The following ROBO1 variants were observed in gnomAD, a reference collection of about 807,000 sequenced individuals.
ROBO1 encodes the protein roundabout guidance receptor 1.
A neutral mutation model predicts 195.9 loss-of-function variants in ROBO1; 149 were observed. That is an observed-to-expected ratio of 0.76 (90% CI 0.67 to 0.87). ROBO1 has a LOEUF of 0.87. ROBO1 is among the 40% of genes least tolerant of loss of function. ROBO1 has a pLI of 0.00. For synonymous variants in ROBO1, 816 were observed against 733.2 expected (o/e 1.11, Z -1.82); for missense variants, 1,933 against 2,068.3 (o/e 0.93, Z 1.27).
chr3:78,681,885 C>A (rs1372633432), intron 10 of ROBO1, among the ~76,000 whole-genome samples: 2 of 151,950 alleles, frequency 1.3e-5, no homozygotes, highest in Non-Finnish European at 1.5e-5. Flanking sequence ...CTCGGCGACT[C>A]AGTCTCAAAA....
intron 2 of ROBO1, among the ~76,000 whole-genome samples, chr3:79,371,954 G>T (rs574789064): frequency 6.6e-6 from 1 of 152,230 alleles, no homozygotes; most frequent in Non-Finnish European, 1.5e-5. Flanking sequence ...TTCCACCTCA[G>T]ATCATCAGGC....
chr3:79,282,827 G>T (rs76384154), intron 2 of ROBO1, among the ~76,000 whole-genome samples: 2 of 152,074 alleles, frequency 1.3e-5, no homozygotes, highest in African/African-American at 4.8e-5. Flanking sequence ...ATTTAAAGCC[G>T]TAAAACCAGA....
At chr3:79,181,873 ATGT>A (rs981738219) in intron 2 of ROBO1, among the ~76,000 whole-genome samples, 1 of 149,382 alleles carries the variant, frequency 6.7e-6, no homozygotes, top group African/African-American at 2.5e-5. Context: ...CTGCACTGAG[ATGT>A]TGTCATGCCA....
At chr3:79,017,079 C>G (rs1184119622) in intron 3 of ROBO1, among the ~76,000 whole-genome samples, 1 of 152,142 alleles carries the variant, frequency 6.6e-6, no homozygotes, top group Non-Finnish European at 1.5e-5. Context: ...ATGAGATATA[C>G]CAGGTTGAAA....
chr3:78,643,666 A>G (rs1441406851), intron 21 of ROBO1, among the ~76,000 whole-genome samples: 1 of 152,130 alleles, frequency 6.6e-6, no homozygotes, highest in Non-Finnish European at 1.5e-5. Flanking sequence ...TTTGGATCTG[A>G]TATTCTAAAC....
chr3:79,263,248 T>C (rs928723186), intron 2 of ROBO1, among the ~76,000 whole-genome samples: 3 of 152,108 alleles, frequency 2.0e-5, no homozygotes, highest in Non-Finnish European at 4.4e-5. Context: ...CACTAACCTA[T>C]GTACTCATTT....
chr3:78,714,670 G>T, intron 7 of ROBO1, 146 bp from the exon 8 acceptor site: 2 of 626,138 alleles, frequency 3.2e-6, no homozygotes, highest in Non-Finnish European at 4.9e-6. Flanking sequence ...CTCTAAGTCA[G>T]CTGGCAGAAG....
rs1481026874 is a variant in ROBO1 at position 79,607,941 on chromosome 3, A to G, written c.-50-17980T>C. ...GAAATGGCTGTGTAACAAAAGTCTCACAGGATTCAAAACTAAACAGAATAT... is the reference window on the plus strand; with the variant it reads ...GAAATGGCTGTGTAACAAAAGTCTCGCAGGATTCAAAACTAAACAGAATAT... On this transcript the variant is annotated intron_variant, in intron 1 of 30. Transcript: ENST00000464233. Among the ~76,000 whole-genome samples the G allele has an allele frequency of 3.9e-5, 6 of 152,136 alleles. No homozygotes were observed. The East Asian group carries it at 1.2e-3, about 30-fold the overall frequency.
chr3:78,666,322 A>G (rs1283673061), intron 14 of ROBO1, among the ~76,000 whole-genome samples: 2 of 152,232 alleles, frequency 1.3e-5, no homozygotes, highest in Non-Finnish European at 2.9e-5. Context: ...AGGCAAATTG[A>G]CAGAAATGTT....
At chr3:79,640,452 G>A (rs1435099848) in intron 1 of ROBO1, among the ~76,000 whole-genome samples, 1 of 151,836 alleles carries the variant, frequency 6.6e-6, no homozygotes, top group Admixed American at 6.6e-5. Flanking sequence ...CCAGTGTCGG[G>A]TATGTCTTCA....
chr3:79,172,675 G>A (rs1369839105), intron 2 of ROBO1, among the ~76,000 whole-genome samples: 5 of 150,014 alleles, frequency 3.3e-5, no homozygotes, highest in Non-Finnish European at 5.9e-5. Context: ...TTTGGATCCT[G>A]AATTATCTTT....
chr3:79,189,069 C>A (rs1397853601), intron 2 of ROBO1, among the ~76,000 whole-genome samples: 1 of 151,728 alleles, frequency 6.6e-6, no homozygotes, highest in Non-Finnish European at 1.5e-5. Context: ...GAACTAAACA[C>A]ATACATTTCT....
intron 2 of ROBO1, among the ~76,000 whole-genome samples, chr3:79,148,924 G>C (rs1044993050): frequency 6.6e-6 from 1 of 151,878 alleles, no homozygotes. Flanking sequence ...CAAAATCTAA[G>C]ATGTGTTCAG....
chr3:79,572,447 C>G (rs1943310291), intron 2 of ROBO1, among the ~76,000 whole-genome samples: 2 of 151,676 alleles, frequency 1.3e-5, no homozygotes, highest in Non-Finnish European at 2.9e-5. Context: ...ATTGCCATGT[C>G]AAATTAATAA....
intron 2 of ROBO1, among the ~76,000 whole-genome samples, chr3:79,282,969 A>G (rs2031624723): frequency 6.6e-6 from 1 of 152,250 alleles, no homozygotes; most frequent in Non-Finnish European, 1.5e-5. Context: ...TATTATTTCT[A>G]AAGGGAAGTT....
intron 4 of ROBO1, among the ~76,000 whole-genome samples, chr3:78,780,955 T>C (rs1344364320): frequency 2.0e-5 from 3 of 152,164 alleles, no homozygotes; most frequent in Admixed American, 2.0e-4. Context: ...GCACTGTCTT[T>C]ATGTGGGAGT....
intron 2 of ROBO1, among the ~76,000 whole-genome samples, chr3:79,208,970 G>C (rs532797154): frequency 7.2e-5 from 11 of 152,068 alleles, no homozygotes; most frequent in Middle Eastern, 6.8e-3. Context: ...GCTTCAAATT[G>C]GCACAATACT....
Position 78,667,977 on chromosome 3 carries a change from G to C in ROBO1, c.1872C>G (p.Leu624=). 6.2e-7 allele frequency: 1 copy of C among 1,613,762 alleles called. No homozygotes were observed. Among genetic ancestry groups the C allele is most frequent in the Admixed American group, 1.7e-5 (1 of 59,946 alleles). ...VKTETSAIKG[L]KPNAIYLFLV... The stretch of plus-strand genomic sequence containing the variant: ...GGAAAAGGTAAATTGCATTAGGTTT[G>C]AGTCCTTTAATGGCAGATGTTTCTG... The change falls in exon 14 of 31, where the codon CTC becomes CTG. Residue 624 remains leucine (L), a synonymous_variant. Coordinates refer to ENST00000464233, the MANE Select transcript of ROBO1 (RefSeq NM_002941.4).
Position 78,968,752 on chromosome 3 carries a change from A to G in ROBO1, c.173-29825T>C, listed in dbSNP as rs1221210454. ...AAGAAAGTATAAGTTTTTGTATTCT[A>G]CAAGGTGCAATGCATCCTTCTTGGC... is the stretch of plus-strand genomic sequence containing the variant. On this transcript the variant is annotated intron_variant, in intron 3 of 30. Transcript: ENST00000464233. Among the ~76,000 whole-genome samples, 3 of 152,324 alleles carry G rather than the reference A, an allele frequency of 2.0e-5. No homozygotes were observed. In the East Asian group the frequency reaches 5.8e-4, roughly 29 times the overall value.
Sources: allele counts gnomAD v4.1 joint callset (sites outside exome capture counted in the v4.1 genomes callset), GRCh38; gene constraint gnomAD v4.1.1; transcripts MANE v1.5; gene names NCBI Gene and HGNC (gene_info 2026-07-23, HGNC 2026-07-21).